Variants in DSC3 observed in about 807,000 individuals in gnomAD.
The protein encoded by DSC3 is desmocollin-3.
A neutral mutation model predicts 89.5 loss-of-function variants in DSC3; 97 were observed. That is an observed-to-expected ratio of 1.08 (90% confidence interval 0.92 to 1.28). The LOEUF (loss-of-function observed/expected upper bound fraction) is 1.28, where lower values mean the gene tolerates loss of function less well. DSC3 is among the 50% of genes most tolerant of loss of function. The pLI is 0.00. For missense variants in DSC3, 1,199 were observed against 1,085.3 expected, an observed-to-expected ratio of 1.10 and a Z score of -1.47; for synonymous variants, 436 against 384.1, an observed-to-expected ratio of 1.14 and a Z score of -1.58.
At chr18:31,028,589 T>C (rs1334657815) in intron 4 of DSC3, among the ~76,000 whole-genome samples, 1 of 152,108 alleles carries the variant, frequency 6.6e-6, no homozygotes, top group East Asian at 1.9e-4. Flanking sequence ...TGTGAATGAC[T>C]GTGGAAGGAT....
In DSC3 at chr18:30,991,178, T is replaced by A. The variant is rs1405738942; in HGVS notation, c.*2997A>T. 6.6e-6 allele frequency: 1 copy of A among 152,642 alleles called. No individual in the cohort carries two copies. The highest frequency in any genetic ancestry group is 1.5e-5 in the Non-Finnish European group (1 of 68,048). The allele number at this position is 152,642 out of a possible 1,614,324, so 9.5% of individuals were successfully genotyped here. A position where few individuals can be genotyped will look rare whatever the true frequency, so the allele number is the denominator to read the frequency against. On this transcript the variant is annotated 3_prime_UTR_variant, in exon 16 of 16. Coordinates refer to ENST00000360428, the MANE Select transcript of DSC3 (RefSeq NM_001941.5). The stretch of plus-strand genomic sequence containing the variant: ...TCTTTAAAAGCAAAGTAACTTCTTT[T>A]AATAGCAATACTAAAACTCTGTTTA...
At chr18:30,995,993 A>AAAAAG (rs1984445635) in intron 15 of DSC3, among the ~76,000 whole-genome samples, 1 of 142,460 alleles carries the variant, frequency 7.0e-6, no homozygotes, top group African/African-American at 2.7e-5. Context: ...AAAAAAAAAA[A>AAAAAG]AAAAAAGAAA....
chr18:31,033,876 T>C (rs1326055220), intron 1 of DSC3, among the ~76,000 whole-genome samples: 2 of 152,148 alleles, frequency 1.3e-5, no homozygotes, highest in Non-Finnish European at 2.9e-5. Context: ...CAGTCTGGAG[T>C]GCAGTGGCAC....
In DSC3 at chr18:31,008,401, C is replaced by G. The variant is rs1346574753; in HGVS notation, c.1388G>C (p.Arg463Thr). ...GCATTCAGGCCCCTCATCCAGATCC[C>G]TCACATGAACTGTAACCAAGGCTCT... ...LNRALVTVHV[R>T]DLDEGPECTP... The change falls in exon 10 of 16, where the codon AGG (arginine) becomes ACG (threonine). Residue 463 changes from arginine to threonine, a missense_variant. Coordinates refer to ENST00000360428, the MANE Select transcript of DSC3 (RefSeq NM_001941.5). 2.5e-6 allele frequency: 4 copies of G among 1,614,148 alleles called. No homozygotes were observed. The Admixed American group carries it at 6.7e-5, about 27-fold the overall frequency.
intron 9 of DSC3, among the ~76,000 whole-genome samples, chr18:31,012,686 T>G (rs1985109819): frequency 6.6e-6 from 1 of 152,220 alleles, no homozygotes; most frequent in African/African-American, 2.4e-5. Context: ...GGAAGTTTTG[T>G]GGGACACTGT....
intron 7 of DSC3, among the ~76,000 whole-genome samples, chr18:31,019,976 C>A (rs1382029330): frequency 6.6e-6 from 1 of 151,894 alleles, no homozygotes; most frequent in Non-Finnish European, 1.5e-5. Context: ...GATAGGAAGA[C>A]AGGTGCATCA....
intron 7 of DSC3, among the ~76,000 whole-genome samples, chr18:31,021,717 T>C (rs1445188362): frequency 6.6e-6 from 1 of 152,164 alleles, no homozygotes; most frequent in Non-Finnish European, 1.5e-5. Context: ...AGTGCAGTAA[T>C]TTGACCTGAG....
intron 4 of DSC3, among the ~76,000 whole-genome samples, chr18:31,028,092 G>GA (rs373427837): frequency 2.6e-5 from 4 of 151,946 alleles, no homozygotes; most frequent in South Asian, 2.1e-4. Flanking sequence ...AAGTATTCAT[G>GA]AAAAAAATAG....
At chr18:31,025,273 A>G (rs1254484973) in intron 5 of DSC3, among the ~76,000 whole-genome samples, 1 of 152,264 alleles carries the variant, frequency 6.6e-6, no homozygotes, top group Admixed American at 6.5e-5. Context: ...ATACTGGCTT[A>G]TTAGCCCTTA....
At chr18:31,040,077 C>A (rs1179105986) in intron 1 of DSC3, among the ~76,000 whole-genome samples, 1 of 152,034 alleles carries the variant, frequency 6.6e-6, no homozygotes, top group Non-Finnish European at 1.5e-5. Flanking sequence ...TTAACCCTAA[C>A]AAATATAAAA....
intron 2 of DSC3, among the ~76,000 whole-genome samples, 183 bp from the exon 3 acceptor site, chr18:31,031,355 T>A (rs1453319634): frequency 6.6e-6 from 1 of 152,224 alleles, no homozygotes; most frequent in Non-Finnish European, 1.5e-5. Context: ...TTCTTTCAGT[T>A]AACAAATAAT....
In DSC3 at chr18:31,031,749, A is replaced by C. The variant is rs77997808; in HGVS notation, c.154+443T>G. ...CCAAGGCCGCACACTGAAACTCTACATGGAGTCTTTCTTCCCTGGGATTTC... is the reference window on the plus strand; with the variant it reads ...CCAAGGCCGCACACTGAAACTCTACCTGGAGTCTTTCTTCCCTGGGATTTC... On this transcript the variant is annotated intron_variant, in intron 2 of 15. Coordinates refer to ENST00000360428, the MANE Select transcript of DSC3 (RefSeq NM_001941.5). 5.2e-3 allele frequency among the ~76,000 whole-genome samples: 790 copies of C among 152,342 alleles called. 6 individuals carry two copies. Among genetic ancestry groups the C allele is most frequent in the African/African-American group, 0.018 (760 of 41,576 alleles).
At chr18:31,002,951 C>A (rs1984716633) in intron 13 of DSC3, among the ~76,000 whole-genome samples, 1 of 152,094 alleles carries the variant, frequency 6.6e-6, no homozygotes, top group African/African-American at 2.4e-5. Flanking sequence ...CTACATGGCC[C>A]CACACTACCT....
intron 1 of DSC3, among the ~76,000 whole-genome samples, chr18:31,040,135 C>G: frequency 6.6e-6 from 1 of 152,054 alleles, no homozygotes; most frequent in East Asian, 1.9e-4. Flanking sequence ...AGTTCATATA[C>G]TCCAAAGAGG....
intron 6 of DSC3, among the ~76,000 whole-genome samples, chr18:31,023,235 T>C (rs1027739903): frequency 2.0e-5 from 3 of 152,304 alleles, no homozygotes; most frequent in South Asian, 4.1e-4. Context: ...GTCAATGTAA[T>C]GTCATAGAAT....
rs1208865793 is a variant in DSC3 at position 31,024,418 on chromosome 18, C to A, written c.706G>T (p.Glu236Ter). The A allele has an allele frequency of 5.0e-6, 8 of 1,610,200 alleles. No individual in the cohort carries two copies. Among genetic ancestry groups the A allele is most frequent in the Non-Finnish European group, 5.9e-6 (7 of 1,177,446 alleles). Residue 236 changes from glutamate (E) to a stop codon, truncating the protein, a stop_gained, in exon 6 of 16, where the codon GAA becomes TAA. Transcript: ENST00000360428. LOFTEE classifies it high-confidence loss of function. ...GTGAAAACAGGGTGGTTGTCATTTT[C>A]ATCCTCTACCCTGATGGGTAGTGGG... ...PLPLPIRVED[E>*]NDNHPVFTEA...
chr18:31,021,125 C>T (rs1029532961), intron 7 of DSC3, among the ~76,000 whole-genome samples: 5 of 151,606 alleles, frequency 3.3e-5, no homozygotes, highest in African/African-American at 1.2e-4. Context: ...TGGTTGTTGC[C>T]CACAAAATCT....
intron 1 of DSC3, among the ~76,000 whole-genome samples, chr18:31,034,600 T>C (rs929454031): frequency 3.3e-5 from 5 of 152,128 alleles, no homozygotes; most frequent in African/African-American, 9.7e-5. Flanking sequence ...TTATTCACAA[T>C]AGGCAAAAAG....
chr18:31,037,652 A>T (rs1231483812), intron 1 of DSC3, among the ~76,000 whole-genome samples: 1 of 152,202 alleles, frequency 6.6e-6, no homozygotes, highest in Non-Finnish European at 1.5e-5. Context: ...CTGTAATCCC[A>T]GCACTCTGGG....
Sources: gnomAD v4.1 joint callset for allele counts (sites outside exome capture counted in the v4.1 genomes callset) on GRCh38, gnomAD v4.1.1 for gene constraint, MANE v1.5 for transcripts, NCBI Gene and HGNC (gene_info 2026-07-23, HGNC 2026-07-21) for gene names.